Variants in ACTN4 observed in about 807,000 individuals in gnomAD.
The protein encoded by ACTN4 is alpha-actinin-4.
Under a neutral mutation model 114.2 loss-of-function variants are expected in ACTN4, and 18 were observed. That is an observed-to-expected ratio of 0.16 (90% CI 0.11 to 0.23). ACTN4 has a LOEUF of 0.23. Ranked by LOEUF, ACTN4 falls within the 10% of genes least tolerant of loss-of-function variation. The pLI is 1.00. For missense variants in ACTN4, 722 were observed against 1,262.9 expected (o/e 0.57, Z 6.49); for synonymous variants, 515 against 506.3 (o/e 1.02, Z -0.23).
intron 1 of ACTN4, among the ~76,000 whole-genome samples, chr19:38,695,205 T>A (rs958833414): frequency 6.6e-5 from 10 of 152,204 alleles, no homozygotes; most frequent in African/African-American, 2.2e-4. Flanking sequence ...ACTGTTTTGC[T>A]TCCTCCTGTG....
chr19:38,701,233 C>T, intron 3 of ACTN4, 112 bp downstream of exon 3: 1 of 1,538,354 alleles, frequency 6.5e-7, no homozygotes, highest in Non-Finnish European at 8.8e-7. Flanking sequence ...GCGCTTGGGG[C>T]ACTCAGAGCC....
chr19:38,665,157 C>T (rs1214232327), intron 1 of ACTN4, among the ~76,000 whole-genome samples: 12 of 152,126 alleles, frequency 7.9e-5, no homozygotes, highest in Non-Finnish European at 2.9e-5. Context: ...CCTTTGACAT[C>T]CCCCACTCCC....
chr19:38,730,547 CT>C lies in ACTN4; in HGVS notation c.*1122del, dbSNP rs1046000863. ...TTAAGAAGGATTCCTGCAGCATCAT[CT>C]TTTTTTATTTCTCCTGTGTCTGTCC... On this transcript the variant is annotated 3_prime_UTR_variant, in exon 21 of 21. Transcript: ENST00000252699. The C allele has an allele frequency of 4.3e-6, 2 of 466,362 alleles. No homozygotes were observed. Among genetic ancestry groups the C allele is most frequent in the Non-Finnish European group, 7.7e-6 (2 of 259,940 alleles). 28.9% of individuals were successfully genotyped at this position (466,362 alleles called of 1,614,324 possible).
Position 38,703,236 on chromosome 19 carries a change from A to ATT in ACTN4, c.398-1680_398-1679dup, listed in dbSNP as rs34017553. On this transcript the variant is annotated intron_variant, in intron 3 of 20. Coordinates refer to ENST00000252699, the MANE Select transcript of ACTN4 (RefSeq NM_004924.6). Reference sequence around the variant, plus strand: ...GCCCTTCTTTTGAGAAGTTTCAGCAATTTTTTTTTTTTTTTTTTTGAGATG... The same window carrying ATT: ...GCCCTTCTTTTGAGAAGTTTCAGCAATTTTTTTTTTTTTTTTTTTTTGAGATG... Among the ~76,000 whole-genome samples the ATT allele has an allele frequency of 2.1e-3, 279 of 132,598 alleles. 3 individuals are homozygous for ATT. Among genetic ancestry groups the ATT allele is most frequent in the South Asian group, 3.9e-3 (16 of 4,108 alleles). The allele number at this position is 132,598 out of a possible 152,430, so 87.0% of individuals were successfully genotyped here.
chr19:38,724,663 C>G lies in ACTN4; in HGVS notation c.2010+98C>G. The G allele has an allele frequency of 6.3e-7, 1 of 1,582,064 alleles. No individual in the cohort carries two copies. Among genetic ancestry groups the G allele is most frequent in the Non-Finnish European group, 8.6e-7 (1 of 1,163,592 alleles). ...AGCCCAGGGCCTGCAGACTGAGGCG[C>G]CTGGCAGAGCAGGTCCCAATTCTCA... On this transcript the variant is annotated intron_variant, in intron 16 of 20. Coordinates refer to ENST00000252699, the MANE Select transcript of ACTN4 (RefSeq NM_004924.6). The surrounding 1 kb of genome is among the most constrained non-coding windows in gnomAD (Gnocchi z 7.0).
chr19:38,700,588 C>G lies in ACTN4; in HGVS notation c.163-12C>G. Reference sequence around the variant, plus strand: ...CTGACTCTGCGCACTGTCCTTTGTTCTGCTTCCCCAGACCTTCACGGCATG... The same window carrying G: ...CTGACTCTGCGCACTGTCCTTTGTTGTGCTTCCCCAGACCTTCACGGCATG... On this transcript the variant is annotated splice_polypyrimidine_tract_variant and intron_variant, in intron 1 of 20. Coordinates refer to ENST00000252699, the MANE Select transcript of ACTN4 (RefSeq NM_004924.6). 1 of 1,608,382 alleles carries G rather than the reference C, an allele frequency of 6.2e-7. No individual in the cohort carries two copies. Among genetic ancestry groups the G allele is most frequent in the South Asian group, 1.1e-5 (1 of 90,968 alleles).
chr19:38,687,257 G>A (rs1015943665), intron 1 of ACTN4, among the ~76,000 whole-genome samples: 2 of 152,262 alleles, frequency 1.3e-5, no homozygotes, highest in Middle Eastern at 3.4e-3. Flanking sequence ...ACAGGCGTGA[G>A]CCCCTGCACC....
At position 38,727,629 on chromosome 19, in the gene ACTN4, C is replaced by T. The variant is rs183286336; in HGVS notation, c.2338-317C>T. Among the ~76,000 whole-genome samples, 10 of 134,516 alleles carry T rather than the reference C, an allele frequency of 7.4e-5. No homozygotes were observed. In the East Asian group the frequency reaches 2.0e-3, roughly 27 times the overall value. 88.2% of individuals were successfully genotyped at this position (134,516 alleles called of 152,430 possible). A position where few individuals can be genotyped will look rare whatever the true frequency, so the allele number is the denominator to read the frequency against. On this transcript the variant is annotated intron_variant, in intron 18 of 20. Transcript: ENST00000252699. This position sits in a 1 kb window ranked among gnomAD's most constrained non-coding sequence, Gnocchi z 5.4. The stretch of plus-strand genomic sequence containing the variant: ...TCCAAATCCCAAAGGCAAGGAGAAC[C>T]CCCCCCCCGACCCTCCACCAGTCCT...
intron 16 of ACTN4, among the ~76,000 whole-genome samples, chr19:38,725,264 C>T (rs1244824082): frequency 1.3e-5 from 2 of 152,162 alleles, no homozygotes; most frequent in Admixed American, 6.5e-5. Flanking sequence ...GGCAGGTCAG[C>T]CCTGAGGTTC....
At chr19:38,694,461 T>C (rs1171695465) in intron 1 of ACTN4, among the ~76,000 whole-genome samples, 1 of 152,102 alleles carries the variant, frequency 6.6e-6, no homozygotes, top group East Asian at 1.9e-4. Flanking sequence ...GGTTTCACCA[T>C]GTTGGCCAGG....
intron 3 of ACTN4, among the ~76,000 whole-genome samples, chr19:38,702,598 GA>G (rs1315305990): frequency 6.6e-6 from 1 of 152,184 alleles, no homozygotes; most frequent in Non-Finnish European, 1.5e-5. Context: ...CGGCCCTCAG[GA>G]GGTGCACAGA....
intron 1 of ACTN4, among the ~76,000 whole-genome samples, chr19:38,658,826 AC>A (rs1329565347): frequency 1.3e-5 from 2 of 151,996 alleles, no homozygotes; most frequent in East Asian, 3.9e-4. Context: ...TGAGGCAGTT[AC>A]TTTTTTTTTT....
intron 1 of ACTN4, among the ~76,000 whole-genome samples, chr19:38,699,190 C>T (rs769964450): frequency 1.1e-4 from 17 of 152,180 alleles, no homozygotes; most frequent in Non-Finnish European, 1.6e-4. Flanking sequence ...CTTCTGTGGC[C>T]CTGATGTCTA....
chr19:38,704,907 G>T (rs1445019652), intron 3 of ACTN4, 27 bp from the exon 4 acceptor site: 1 of 1,606,578 alleles, frequency 6.2e-7, no homozygotes, highest in Admixed American at 1.7e-5. Context: ...ACGACCTTCT[G>T]CCCTCTGCCC....
chr19:38,720,168 C>G (rs576975581), intron 11 of ACTN4, among the ~76,000 whole-genome samples: 1 of 152,250 alleles, frequency 6.6e-6, no homozygotes, highest in African/African-American at 2.4e-5. Flanking sequence ...CACCTTCACT[C>G]CACACCCCTC....
intron 1 of ACTN4, among the ~76,000 whole-genome samples, chr19:38,653,711 A>G (rs909557436): frequency 2.0e-5 from 3 of 152,178 alleles, no homozygotes; most frequent in African/African-American, 7.2e-5. Context: ...TATTTAGTTT[A>G]CAGAATAACA....
At chr19:38,695,908 C>T (rs890873313) in intron 1 of ACTN4, among the ~76,000 whole-genome samples, 5 of 152,062 alleles carry the variant, frequency 3.3e-5, no homozygotes, top group African/African-American at 9.7e-5. Flanking sequence ...CAAACTCGGC[C>T]CCAGGAGCCC....
chr19:38,721,584 A>G lies in ACTN4; in HGVS notation c.1338A>G (p.Leu446=), dbSNP rs145505131. The change falls in exon 12 of 21, where the codon CTA becomes CTG. Residue 446 remains leucine, a synonymous_variant. Transcript: ENST00000252699. ...ACCGGGACTACGAGACGGCCACACTATCGGACATCAAAGCCCTCATTCGCA... is the reference window on the plus strand; with the variant it reads ...ACCGGGACTACGAGACGGCCACACTGTCGGACATCAAAGCCCTCATTCGCA... ...LKHRDYETAT[L]SDIKALIRKH... 32 of 1,613,962 alleles carry G rather than the reference A, an allele frequency of 2.0e-5. No homozygotes were observed. The highest frequency in any genetic ancestry group is 1.7e-4 in the African/African-American group (13 of 74,924).
Position 38,714,730 on chromosome 19 carries a change from G to C in ACTN4, c.912+169G>C, listed in dbSNP as rs1362523714. Among the ~76,000 whole-genome samples, 9 of 152,216 alleles carry C rather than the reference G, an allele frequency of 5.9e-5. No individual in the cohort carries two copies. The East Asian group carries it at 1.7e-3, about 29-fold the overall frequency. Reference sequence around the variant, plus strand: ...TGGTGTGTACACGACCTCTCCGTTTGCTTCCACAAGGCTAAGGGTCAGACC... The same window carrying C: ...TGGTGTGTACACGACCTCTCCGTTTCCTTCCACAAGGCTAAGGGTCAGACC... On this transcript the variant is annotated intron_variant, in intron 9 of 20. Coordinates refer to ENST00000252699, the MANE Select transcript of ACTN4 (RefSeq NM_004924.6).
Sources: allele counts gnomAD v4.1 joint callset (sites outside exome capture counted in the v4.1 genomes callset), GRCh38; gene constraint gnomAD v4.1.1; non-coding constraint Gnocchi (gnomAD v3.1); transcripts MANE v1.5; gene names NCBI Gene and HGNC (gene_info 2026-07-23, HGNC 2026-07-21).